CDYL: variants seen among roughly 807,000 people sequenced by gnomAD.
The protein encoded by CDYL is chromodomain Y-like protein.
A neutral mutation model predicts 47.3 loss-of-function variants in CDYL; 8 were observed. That is an observed-to-expected ratio of 0.17 (90% CI 0.10 to 0.31). The LOEUF (loss-of-function observed/expected upper bound fraction) is 0.31, where lower values mean the gene tolerates loss of function less well. Among genes scored for constraint, CDYL ranks in the 10% least tolerant of loss-of-function variants. The pLI is 1.00. For missense variants in CDYL, 471 were observed against 701.4 expected (o/e 0.67, Z 3.71); for synonymous variants, 266 against 265.0 (o/e 1.00, Z -0.04).
intron 1 of CDYL, among the ~76,000 whole-genome samples, chr6:4,854,931 TGA>T (rs1314792176): frequency 6.6e-6 from 1 of 152,224 alleles, no homozygotes; most frequent in Non-Finnish European, 1.5e-5. Context: ...AGACTCATGT[TGA>T]GAGTCAGGGC....
chr6:4,846,845 G>A (rs1760675035), intron 1 of CDYL, among the ~76,000 whole-genome samples: 1 of 152,132 alleles, frequency 6.6e-6, no homozygotes, highest in African/African-American at 2.4e-5. Context: ...ACTGTTTTAG[G>A]CAAACCAAGA....
chr6:4,751,879 T>C lies in CDYL; in HGVS notation c.186+17035T>C, dbSNP rs191262180. Reference sequence around the variant, plus strand: ...TTATCTTTCACAAGTTGAAGAAATATTAACATGCTATGGGGGTGTCTTTCC... The same window carrying C: ...TTATCTTTCACAAGTTGAAGAAATACTAACATGCTATGGGGGTGTCTTTCC... On this transcript the variant is annotated intron_variant, in intron 3 of 8. Transcript: ENST00000328908. Among the ~76,000 whole-genome samples the C allele has an allele frequency of 1.5e-3, 222 of 152,360 alleles. 4 individuals are homozygous for C. In the South Asian group the frequency reaches 0.021, roughly 14 times the overall value.
intron 2 of CDYL, among the ~76,000 whole-genome samples, chr6:4,917,897 C>T (rs546126639): frequency 1.8e-4 from 28 of 152,276 alleles, no homozygotes; most frequent in African/African-American, 6.5e-4. Context: ...AGCACTTGAA[C>T]GTCTTAGCTT....
intron 1 of CDYL, among the ~76,000 whole-genome samples, chr6:4,793,028 C>G (rs954569040): frequency 6.6e-6 from 1 of 152,140 alleles, no homozygotes; most frequent in Non-Finnish European, 1.5e-5. Flanking sequence ...TTTCCTGATT[C>G]ATACCATGCT....
Position 4,950,086 on chromosome 6 carries a change from G to T in CDYL, c.1333-2180G>T, listed in dbSNP as rs185231808. ...CAGAGAGAAGGGCCGTTCTCGGCTG[G>T]TATCAGGCCCAAGAGAGTCAACAAA... is the stretch of plus-strand genomic sequence containing the variant. On this transcript the variant is annotated intron_variant, in intron 5 of 6. Transcript: ENST00000397588. Among the ~76,000 whole-genome samples the T allele has an allele frequency of 2.3e-3, 351 of 152,278 alleles. 2 individuals are homozygous for T. Among genetic ancestry groups the T allele is most frequent in the African/African-American group, 8.0e-3 (331 of 41,558 alleles).
intron 1 of CDYL, among the ~76,000 whole-genome samples, chr6:4,838,572 C>G (rs1000665809): frequency 6.6e-6 from 1 of 152,124 alleles, no homozygotes; most frequent in African/African-American, 2.4e-5. Flanking sequence ...TTGGCTGGTT[C>G]CATGTTTTTG....
rs1757268043 is a variant in CDYL, at chr6:4,907,284, G to C, written c.691+14905G>C. On this transcript the variant is annotated intron_variant, in intron 2 of 6. Coordinates refer to ENST00000397588, the MANE Select transcript of CDYL (RefSeq NM_004824.4). ...GCAGTTTTAGCCTGCATTTCCATGA[G>C]TTATGGAAGGATTGGAAGAAAAGCT... Among the ~76,000 whole-genome samples the C allele has an allele frequency of 2.0e-5, 3 of 152,238 alleles. No homozygotes were observed. In the South Asian group the frequency reaches 6.2e-4, roughly 31 times the overall value.
chr6:4,799,553 C>T (rs915263734), intron 1 of CDYL, among the ~76,000 whole-genome samples: 2 of 152,032 alleles, frequency 1.3e-5, no homozygotes, highest in Non-Finnish European at 2.9e-5. Context: ...TCAGATGATC[C>T]TCTCACCTCA....
intron 1 of CDYL, among the ~76,000 whole-genome samples, chr6:4,710,403 A>AGG (rs10676514): frequency 1.4e-5 from 2 of 147,672 alleles, no homozygotes; most frequent in African/African-American, 5.0e-5. Context: ...GAAGGAAGGA[A>AGG]ACTACATTTA....
At chr6:4,820,864 C>T (rs1005709269) in intron 1 of CDYL, among the ~76,000 whole-genome samples, 11 of 152,132 alleles carry the variant, frequency 7.2e-5, no homozygotes, top group African/African-American at 1.4e-4. Flanking sequence ...TGCAGAAACA[C>T]GGGAATCATG....
At chr6:4,760,901 C>T (rs988411649) in intron 3 of CDYL, among the ~76,000 whole-genome samples, 2 of 151,822 alleles carry the variant, frequency 1.3e-5, no homozygotes, top group African/African-American at 2.4e-5. Flanking sequence ...AACTCCCAGC[C>T]GCATCCCAAC....
At position 4,868,702 on chromosome 6, in the gene CDYL, T is replaced by G. The variant is rs561930359; in HGVS notation, c.25-23011T>G. ...TCATTGCCGATTTTCTGTTTTGGTC[T>G]ATCAGTTATTGATAGTGGGCTATTG... On this transcript the variant is annotated intron_variant, in intron 1 of 6. Transcript: ENST00000397588. 2.0e-5 allele frequency among the ~76,000 whole-genome samples: 3 copies of G among 152,350 alleles called. No individual in the cohort carries two copies. The South Asian group carries it at 6.2e-4, about 32-fold the overall frequency.
chr6:4,747,018 A>C (rs1438283824), intron 3 of CDYL, among the ~76,000 whole-genome samples: 2 of 152,280 alleles, frequency 1.3e-5, no homozygotes, highest in South Asian at 2.1e-4. Flanking sequence ...TTAAAAATTC[A>C]TAGGCATTGG....
intron 1 of CDYL, among the ~76,000 whole-genome samples, chr6:4,854,759 G>A (rs547309120): frequency 3.3e-5 from 5 of 152,302 alleles, no homozygotes; most frequent in African/African-American, 1.2e-4. Flanking sequence ...AGCCCCCAGG[G>A]TGACGTCGAA....
At chr6:4,719,374 T>G (rs1223606353) in intron 2 of CDYL, among the ~76,000 whole-genome samples, 1 of 152,158 alleles carries the variant, frequency 6.6e-6, no homozygotes, top group Non-Finnish European at 1.5e-5. Context: ...ATACACATTG[T>G]CCTTAAATTT....
chr6:4,862,957 C>A (rs1761215133), intron 1 of CDYL, among the ~76,000 whole-genome samples: 1 of 152,112 alleles, frequency 6.6e-6, no homozygotes, highest in African/African-American at 2.4e-5. Flanking sequence ...TACTTAAGTG[C>A]CTATCAACAG....
intron 5 of CDYL, among the ~76,000 whole-genome samples, chr6:4,945,779 G>C (rs980870511): frequency 6.6e-6 from 1 of 152,234 alleles, no homozygotes; most frequent in Admixed American, 6.5e-5. Flanking sequence ...GCTGTGGCAG[G>C]TGCTATATGT....
intron 1 of CDYL, among the ~76,000 whole-genome samples, chr6:4,792,433 ATT>A (rs202226393): frequency 3.6e-5 from 5 of 137,792 alleles, no homozygotes; most frequent in Non-Finnish European, 3.1e-5. Flanking sequence ...TTAAAAAAAA[ATT>A]TTTTTTTTTT....
At chr6:4,919,156 C>G (rs1217309848) in intron 2 of CDYL, among the ~76,000 whole-genome samples, 2 of 152,128 alleles carry the variant, frequency 1.3e-5, no homozygotes, top group Non-Finnish European at 2.9e-5. Flanking sequence ...GTCAGTCATT[C>G]AGCAAAATGA....
Sources: allele counts gnomAD v4.1 joint callset (sites outside exome capture counted in the v4.1 genomes callset), GRCh38; gene constraint gnomAD v4.1.1; transcripts MANE v1.5; gene names NCBI Gene and HGNC (gene_info 2026-07-23, HGNC 2026-07-21).